The following CCNH variants were observed in gnomAD, a reference collection of about 807,000 sequenced individuals.
The protein encoded by CCNH is cyclin H.
A neutral mutation model predicts 41.9 loss-of-function variants in CCNH; 31 were observed. The observed-to-expected ratio is 0.74, with a 90% CI of 0.56 to 1.00. The LOEUF is 1.00. Ranked by LOEUF, CCNH falls within the 50% of genes least tolerant of loss-of-function variation. The probability of loss-of-function intolerance (pLI) is 0.00; values close to 1 mark genes in which losing one functional copy is unlikely to be tolerated. For synonymous variants in CCNH, 138 were observed against 136.1 expected, an observed-to-expected ratio of 1.01 and a Z score of -0.10; for missense variants, 362 against 388.4, an observed-to-expected ratio of 0.93 and a Z score of 0.57.
chr5:87,331,005 T>C (rs1274088459), intron 9 of CCNH: 1 of 1,388,046 alleles, frequency 7.2e-7, no homozygotes. Context: ...ATCATTTCCA[T>C]TTGTCTATCT....
chr5:87,389,397 T>C (rs755271409), downstream of CCNH: 1 of 1,614,142 alleles, frequency 6.2e-7, no homozygotes, highest in Non-Finnish European at 8.5e-7. Context: ...TTAAAGAATG[T>C]ACCTGAACTT....
chr5:87,331,586 T>TG, intron 9 of CCNH: 1 of 1,424,024 alleles, frequency 7.0e-7, no homozygotes. Context: ...TAAAGGTGAA[T>TG]GACTCAGTAA....
chr5:87,326,118 T>A (rs1371046369), intron 9 of CCNH, among the ~76,000 whole-genome samples: 3 of 152,142 alleles, frequency 2.0e-5, no homozygotes. Context: ...ATCATAGGTA[T>A]GTGCCACCAT....
intron 9 of CCNH, among the ~76,000 whole-genome samples, chr5:87,319,096 G>A (rs964696004): frequency 6.6e-6 from 1 of 152,216 alleles, no homozygotes; most frequent in Non-Finnish European, 1.5e-5. Context: ...TCCAGGGCAC[G>A]CTGATGCAAG....
intron 7 of CCNH, among the ~76,000 whole-genome samples, chr5:87,397,046 GA>G (rs1242660781): frequency 3.3e-5 from 5 of 152,118 alleles, no homozygotes; most frequent in Non-Finnish European, 7.4e-5. Flanking sequence ...GAAGATCAAG[GA>G]AAACAAATAT....
At chr5:87,371,819 T>A (rs1432464634), downstream of CCNH, among the ~76,000 whole-genome samples, 2 of 152,174 alleles carry the variant, frequency 1.3e-5, no homozygotes, top group Non-Finnish European at 2.9e-5. Context: ...GGAGAAATAG[T>A]TTCTTTAATG....
At chr5:87,411,904 G>C (rs1326412762) in intron 1 of CCNH, among the ~76,000 whole-genome samples, 1 of 152,122 alleles carries the variant, frequency 6.6e-6, no homozygotes, top group East Asian at 1.9e-4. Flanking sequence ...CGGTAATTTG[G>C]AGGCACTGAA....
chr5:87,316,254 G>A (rs560660326), downstream of CCNH, among the ~76,000 whole-genome samples: 8 of 152,286 alleles, frequency 5.3e-5, no homozygotes, highest in South Asian at 1.7e-3. Context: ...ATGGTACCTG[G>A]AAGATAATTC....
intron 9 of CCNH, among the ~76,000 whole-genome samples, chr5:87,354,922 A>G (rs1185541383): frequency 1.3e-5 from 2 of 152,214 alleles, no homozygotes; most frequent in Non-Finnish European, 2.9e-5. Context: ...CCCTTAAGCC[A>G]AAGCCTATCC....
chr5:87,403,696 C>T (rs868402133), intron 5 of CCNH, among the ~76,000 whole-genome samples: 2 of 152,076 alleles, frequency 1.3e-5, no homozygotes, highest in East Asian at 1.9e-4. Flanking sequence ...GTAGGAGGAT[C>T]GCTTGAGGCT....
chr5:87,338,537 T>TATA (rs1421369290), intron 9 of CCNH, among the ~76,000 whole-genome samples: 5 of 79,790 alleles, frequency 6.3e-5, no homozygotes, highest in African/African-American at 9.1e-5. Context: ...ATATATAAAA[T>TATA]TTTTTTTTTT....
Position 87,407,965 on chromosome 5 carries a change from A to G in CCNH, c.525+11T>C. On this transcript the variant is annotated intron_variant, in intron 4 of 8. Coordinates refer to ENST00000256897, the MANE Select transcript of CCNH (RefSeq NM_001239.4). ...AGAATGTAGTATTAGTTTATTTTAC[A>G]TCAAGTTTACCTTTAAGTCGATGAG... is the stretch of plus-strand genomic sequence containing the variant. 6.3e-7 allele frequency: 1 copy of G among 1,581,894 alleles called. No homozygotes were observed. The highest frequency in any genetic ancestry group is 1.1e-5 in the South Asian group (1 of 90,276).
chr5:87,375,907 G>GTT, downstream of CCNH, among the ~76,000 whole-genome samples: 1 of 152,254 alleles, frequency 6.6e-6, no homozygotes, highest in Middle Eastern at 3.4e-3. Flanking sequence ...AAACCCCATA[G>GTT]TAATGACACA....
chr5:87,397,057 T>C (rs1321580498), intron 7 of CCNH, among the ~76,000 whole-genome samples: 1 of 152,190 alleles, frequency 6.6e-6, no homozygotes, highest in East Asian at 1.9e-4. Flanking sequence ...AAAACAAATA[T>C]TTAGTCCTAA....
upstream of CCNH, chr5:87,379,718 T>C (rs763203367): frequency 1.2e-6 from 2 of 1,610,648 alleles, no homozygotes; most frequent in East Asian, 4.5e-5. Flanking sequence ...TTTATATTGA[T>C]TTATTCCTTC....
rs1257146987 is a variant in CCNH, at chr5:87,412,730, A to G, written c.65T>C (p.Leu22Pro). ...GAATTTGCGGTTGGCGTCAGCCCGCAGTCTTGCCAGCTGCTCCTCGCTGGA... is the reference window on the plus strand; with the variant it reads ...GAATTTGCGGTTGGCGTCAGCCCGCGGTCTTGCCAGCTGCTCCTCGCTGGA... Reference protein sequence around the residue: ...TFSSEEQLARLRADANRKFRC... With the variant: ...TFSSEEQLARPRADANRKFRC... The change falls in exon 1 of 9, where the codon CTG (leucine) becomes CCG (proline). Residue 22 changes from leucine (L) to proline (P), a missense_variant. Coordinates refer to ENST00000256897, the MANE Select transcript of CCNH (RefSeq NM_001239.4). The G allele has an allele frequency of 3.7e-6, 6 of 1,614,226 alleles. No homozygotes were observed. In the South Asian group the frequency reaches 6.6e-5, roughly 18 times the overall value.
the CCNH span, among the ~76,000 whole-genome samples, chr5:87,313,165 A>G: frequency 6.6e-6 from 1 of 152,144 alleles, no homozygotes; most frequent in Non-Finnish European, 1.5e-5. Context: ...TCACATTTCT[A>G]TCTCAGTTTT....
At chr5:87,397,344 G>C (rs1380854203) in intron 7 of CCNH, among the ~76,000 whole-genome samples, 1 of 151,994 alleles carries the variant, frequency 6.6e-6, no homozygotes, top group Non-Finnish European at 1.5e-5. Flanking sequence ...ATTTTTAGTA[G>C]AGACGGGGTT....
intron 9 of CCNH, among the ~76,000 whole-genome samples, chr5:87,350,619 G>A (rs1337445432): frequency 6.6e-6 from 1 of 150,990 alleles, no homozygotes; most frequent in African/African-American, 2.4e-5. Context: ...AAAGGTAGTC[G>A]CTTTTGGTTG....
Sources: allele counts gnomAD v4.1 joint callset (sites outside exome capture counted in the v4.1 genomes callset), GRCh38; gene constraint gnomAD v4.1.1; transcripts MANE v1.5; gene names NCBI Gene and HGNC (gene_info 2026-07-23, HGNC 2026-07-21).